NUP214: variants seen among roughly 807,000 people sequenced by gnomAD.
The protein encoded by NUP214 is nucleoporin 214.
NUP214 carries 79 observed loss-of-function variants against 196.2 expected under a neutral mutation model. The ratio of observed to expected loss-of-function variants is 0.40; its 90% CI spans 0.34 to 0.49. NUP214 has a LOEUF of 0.49. NUP214 is among the 20% of genes least tolerant of loss of function. The pLI, the probability that NUP214 is intolerant of heterozygous loss-of-function variation, is 0.58. For synonymous variants in NUP214, 1,020 were observed against 990.5 expected (o/e 1.03, Z -0.56); for missense variants, 2,468 against 2,539.0 (o/e 0.97, Z 0.60).
chr9:131,230,464 TG>T, intron 33 of NUP214, 165 bp from the exon 34 acceptor site: 1 of 725,898 alleles, frequency 1.4e-6, no homozygotes, highest in East Asian at 2.7e-5. Context: ...AAGTTGGCCC[TG>T]GGCGATAGCT....
Position 131,234,359 on chromosome 9 carries a change from T to C in NUP214, c.*872T>C. ...CCAGACAACACTAGCAGAACGATGC[T>C]GGATTTGACAACAGTGTTTGCTAGG... On this transcript the variant is annotated 3_prime_UTR_variant, in exon 36 of 36. Transcript: ENST00000359428. 1 of 232,966 alleles carries C rather than the reference T, an allele frequency of 4.3e-6. No homozygotes were observed. The highest frequency in any genetic ancestry group is 6.0e-5 in the East Asian group (1 of 16,534). 14.4% of individuals were successfully genotyped at this position (232,966 alleles called of 1,614,324 possible).
chr9:131,140,801 G>A (rs1831886247), intron 11 of NUP214, 91 bp downstream of exon 11: 1 of 1,294,920 alleles, frequency 7.7e-7, no homozygotes. Context: ...AAGACACATA[G>A]TGATTATCTT....
chr9:131,144,231 C>T, intron 11 of NUP214, 49 bp from the exon 12 acceptor site: 1 of 1,377,634 alleles, frequency 7.3e-7, no homozygotes, highest in Non-Finnish European at 1.0e-6. Flanking sequence ...TTATGTGAAC[C>T]TCCACTGTTA....
chr9:131,148,540 AGT>A (rs549075617), intron 14 of NUP214, among the ~76,000 whole-genome samples: 3 of 152,054 alleles, frequency 2.0e-5, no homozygotes, highest in Non-Finnish European at 4.4e-5. Context: ...TCCCACCAAG[AGT>A]GTATGAGACT....
intron 30 of NUP214, among the ~76,000 whole-genome samples, chr9:131,213,805 G>A (rs75028274): frequency 4.0e-5 from 6 of 150,720 alleles, no homozygotes; most frequent in Non-Finnish European, 7.4e-5. Context: ...TTTAAAGGGG[G>A]AAAAAAAAGA....
intron 7 of NUP214, 95 bp downstream of exon 7, chr9:131,133,304 G>GTTTTTTT (rs751108620): frequency 2.1e-5 from 9 of 421,942 alleles, no homozygotes; most frequent in Admixed American, 4.8e-5. Flanking sequence ...TTGTGTTTGT[G>GTTTTTTT]TTTTTTTTTT....
At chr9:131,205,693 TTTG>T (rs1427031767) in intron 30 of NUP214, among the ~76,000 whole-genome samples, 1 of 152,168 alleles carries the variant, frequency 6.6e-6, no homozygotes, top group Admixed American at 6.5e-5. Context: ...GGTTTGTTTT[TTTG>T]TTGTTGTTTT....
At chr9:131,205,026 G>T (rs1467870360) in intron 30 of NUP214, among the ~76,000 whole-genome samples, 2 of 152,122 alleles carry the variant, frequency 1.3e-5, no homozygotes, top group African/African-American at 4.8e-5. Flanking sequence ...AGAATGAAGA[G>T]AAATCAAGAC....
chr9:131,174,790 A>G (rs1041822687), intron 22 of NUP214, among the ~76,000 whole-genome samples: 6 of 152,166 alleles, frequency 3.9e-5, no homozygotes, highest in Non-Finnish European at 7.3e-5. Flanking sequence ...AGAAATTAGA[A>G]GACTGATTGA....
chr9:131,234,119 C>T lies in NUP214; in HGVS notation c.*632C>T, dbSNP rs1241458743. 2 of 233,574 alleles carry T rather than the reference C, an allele frequency of 8.6e-6. No homozygotes were observed. The highest frequency in any genetic ancestry group is 2.2e-5 in the African/African-American group (1 of 45,356). The allele number at this position is 233,574 out of a possible 1,614,324, so 14.5% of individuals were successfully genotyped here. On this transcript the variant is annotated 3_prime_UTR_variant, in exon 36 of 36. Transcript: ENST00000359428. ...GTAGCCAGCGTGAGGCAGGACAGTG[C>T]TGCGCCTTAGCCGGCCTTGGCTCTC...
chr9:131,176,515 G>A (rs1380922452), intron 23 of NUP214, among the ~76,000 whole-genome samples: 2 of 151,864 alleles, frequency 1.3e-5, no homozygotes, highest in African/African-American at 4.8e-5. Context: ...TTTTTGTAGA[G>A]ACAGGATTTC....
At chr9:131,223,723 A>ATTTAT (rs1834634646) in intron 32 of NUP214, among the ~76,000 whole-genome samples, 3 of 18,966 alleles carry the variant, frequency 1.6e-4, no homozygotes, top group East Asian at 2.1e-3. Flanking sequence ...TTATTTATTT[A>ATTTAT]TTTATTTTTT....
intron 8 of NUP214, 116 bp from the exon 9 acceptor site, chr9:131,135,824 C>G (rs1831709246): frequency 2.8e-6 from 2 of 715,386 alleles, no homozygotes; most frequent in African/African-American, 3.6e-5. Context: ...AGATAAAAAA[C>G]CTTACTCTCT....
intron 31 of NUP214, 92 bp downstream of exon 31, chr9:131,215,460 AG>A (rs1276276184): frequency 6.2e-6 from 8 of 1,298,592 alleles, no homozygotes; most frequent in Admixed American, 2.9e-5. Flanking sequence ...AAATATAAAA[AG>A]AAAAAAAAAT....
At chr9:131,190,675 C>G (rs1019680056) in intron 26 of NUP214, 2 of 513,102 alleles carry the variant, frequency 3.9e-6, no homozygotes, top group African/African-American at 4.0e-5. Context: ...CCAGAAAAAG[C>G]CTATGGTGTA....
intron 34 of NUP214, among the ~76,000 whole-genome samples, chr9:131,231,737 TAAAC>T (rs1834884378): frequency 2.0e-5 from 3 of 151,828 alleles, no homozygotes; most frequent in Admixed American, 1.3e-4. Flanking sequence ...GTTCTTGCAG[TAAAC>T]TGACAAGGCA....
chr9:131,138,744 C>T (rs1295678522), intron 9 of NUP214, among the ~76,000 whole-genome samples: 1 of 152,236 alleles, frequency 6.6e-6, no homozygotes, highest in Non-Finnish European at 1.5e-5. Context: ...GCCTGAGGAA[C>T]TGGTACCAAG....
Position 131,232,189 on chromosome 9 carries a change from A to C in NUP214, c.6215-95A>C. ...GGTGGAGGCACGGAGGGCTTCCCAC[A>C]AGAAGCACAGAGGAGGGCAGACACT... On this transcript the variant is annotated intron_variant, in intron 34 of 35. Coordinates refer to ENST00000359428, the MANE Select transcript of NUP214 (RefSeq NM_005085.4). This position sits in a 1 kb window ranked among gnomAD's most constrained non-coding sequence, Gnocchi z 5.1. 2 of 1,351,630 alleles carry C rather than the reference A, an allele frequency of 1.5e-6. No homozygotes were observed. Among genetic ancestry groups the C allele is most frequent in the Non-Finnish European group, 2.1e-6 (2 of 940,486 alleles). The allele number at this position is 1,351,630 out of a possible 1,614,324, so 83.7% of individuals were successfully genotyped here. A position where few individuals can be genotyped will look rare whatever the true frequency, so the allele number is the denominator to read the frequency against.
intron 21 of NUP214, among the ~76,000 whole-genome samples, chr9:131,165,579 T>C (rs1321201705): frequency 6.6e-6 from 1 of 152,164 alleles, no homozygotes; most frequent in Admixed American, 6.5e-5. Flanking sequence ...CCTCAAAAAA[T>C]TAAAAATGTG....
Sources: gnomAD v4.1 joint callset for allele counts (sites outside exome capture counted in the v4.1 genomes callset) on GRCh38, gnomAD v4.1.1 for gene constraint, Gnocchi (gnomAD v3.1) non-coding constraint, MANE v1.5 for transcripts, NCBI Gene and HGNC (gene_info 2026-07-23, HGNC 2026-07-21) for gene names.